TSC22D3: variants seen among roughly 807,000 people sequenced by gnomAD.
The protein encoded by TSC22D3 is TSC22 domain family member 3.
TSC22D3 carries 4 observed loss-of-function variants against 11.1 expected under a neutral mutation model. The observed-to-expected ratio is 0.36, with a 90% confidence interval of 0.18 to 0.83. The LOEUF is 0.83. TSC22D3 is among the 40% of genes least tolerant of loss of function. The probability of loss-of-function intolerance (pLI) is 0.48; values close to 1 mark genes in which losing one functional copy is unlikely to be tolerated. For missense variants in TSC22D3, 118 were observed against 159.4 expected, an observed-to-expected ratio of 0.74 and a Z score of 1.40; for synonymous variants, 77 against 70.3, an observed-to-expected ratio of 1.10 and a Z score of -0.48.
At chrX:107,714,788 C>T in intron 2 of TSC22D3, 39 bp from the exon 3 acceptor site, 1 of 1,158,397 alleles carries the variant, frequency 8.6e-7, no homozygotes, top group Non-Finnish European at 1.2e-6. Context: ...ATTCCTTAGC[C>T]ATCGTGGCCC....
chrX:107,775,087 C>T lies in TSC22D3; in HGVS notation c.320+13G>A, dbSNP rs1370466975. 1 of 1,206,838 alleles carries T rather than the reference C, an allele frequency of 8.3e-7. No homozygotes were observed. Among genetic ancestry groups the T allele is most frequent in the Admixed American group, 2.2e-5 (1 of 45,929 alleles). ...GCAAGGACCGAGTTGCCGCCGTGTGCCGAGCCACCCACCTGTGGAAGAAGA... is the reference window on the plus strand; with the variant it reads ...GCAAGGACCGAGTTGCCGCCGTGTGTCGAGCCACCCACCTGTGGAAGAAGA... On this transcript the variant is annotated intron_variant, in intron 1 of 2. Coordinates refer to ENST00000372383, the MANE Select transcript of TSC22D3 (RefSeq NM_198057.3).
At chrX:107,737,085 G>A (rs762286935) in intron 1 of TSC22D3, among the ~76,000 whole-genome samples, 3 of 111,471 alleles carry the variant, frequency 2.7e-5, no homozygotes, top group African/African-American at 6.5e-5. Context: ...CTCCTGGGCC[G>A]GTCTCTCTCA....
intron 1 of TSC22D3, chrX:107,716,888 G>T: frequency 8.5e-7 from 1 of 1,181,917 alleles, no homozygotes; most frequent in Non-Finnish European, 1.1e-6. Flanking sequence ...CTGCTGGCAG[G>T]CTGCGCTGGG....
Position 107,752,020 on chromosome X carries a change from G to A in TSC22D3, c.320+23080C>T, listed in dbSNP as rs148415982. Among the ~76,000 whole-genome samples the A allele has an allele frequency of 5.9e-4, 66 of 112,582 alleles. 1 individual carries two copies. In the East Asian group the frequency reaches 0.014, roughly 24 times the overall value. ...GATTCATCATATCACATTCGCATTA[G>A]CAGAAAGTAAGGCCTCAAGGCCATG... On this transcript the variant is annotated intron_variant, in intron 1 of 2. Coordinates refer to ENST00000372383, the MANE Select transcript of TSC22D3 (RefSeq NM_198057.3).
At chrX:107,732,751 T>G (rs1488827952) in intron 1 of TSC22D3, among the ~76,000 whole-genome samples, 1 of 111,071 alleles carries the variant, frequency 9.0e-6, no homozygotes, top group Non-Finnish European at 1.9e-5. Flanking sequence ...TTCTGGACTT[T>G]GCTGCCCTGG....
chrX:107,732,877 C>T (rs1375170205), intron 1 of TSC22D3, among the ~76,000 whole-genome samples: 9 of 110,874 alleles, frequency 8.1e-5, no homozygotes, highest in Non-Finnish European at 1.3e-4. Context: ...GGGGGAGGAT[C>T]GCTTGAGGCC....
intron 1 of TSC22D3, among the ~76,000 whole-genome samples, chrX:107,765,975 T>G (rs904213501): frequency 2.7e-5 from 3 of 112,137 alleles, no homozygotes; most frequent in African/African-American, 9.7e-5. Flanking sequence ...CACACCACCT[T>G]TTTGACTTTG....
At chrX:107,741,867 GAGA>G (rs773614818) in intron 1 of TSC22D3, among the ~76,000 whole-genome samples, 1 of 111,057 alleles carries the variant, frequency 9.0e-6, no homozygotes, top group South Asian at 3.9e-4. Flanking sequence ...GAGAGAAAAG[GAGA>G]AGGAGAGACT....
intron 1 of TSC22D3, among the ~76,000 whole-genome samples, chrX:107,732,435 C>T (rs987749759): frequency 9.0e-6 from 1 of 110,938 alleles, no homozygotes; most frequent in Non-Finnish European, 1.9e-5. Flanking sequence ...CCTTCCTCCC[C>T]TTCAAACACA....
At chrX:107,771,855 G>A (rs1929918678) in intron 1 of TSC22D3, among the ~76,000 whole-genome samples, 2 of 112,286 alleles carry the variant, frequency 1.8e-5, no homozygotes, top group African/African-American at 3.2e-5. Context: ...AGCACTATCA[G>A]GACTTCCATC....
intron 1 of TSC22D3, among the ~76,000 whole-genome samples, chrX:107,718,305 T>C (rs1349189459): frequency 2.7e-5 from 3 of 112,290 alleles, no homozygotes; most frequent in African/African-American, 9.7e-5. Context: ...GGACAGGTGA[T>C]GCAACCGGGA....
chrX:107,738,078 T>C (rs867287029), intron 1 of TSC22D3, among the ~76,000 whole-genome samples: 3 of 112,141 alleles, frequency 2.7e-5, no homozygotes, highest in South Asian at 3.7e-4. Context: ...GGGCTTTCCA[T>C]AGCTAAGAAA....
chrX:107,746,144 A>C, intron 1 of TSC22D3, among the ~76,000 whole-genome samples: 1 of 111,178 alleles, frequency 9.0e-6, no homozygotes. Context: ...TGCAATTCTC[A>C]CTGGTGGAGT....
At chrX:107,752,579 G>A (rs1313524672) in intron 1 of TSC22D3, among the ~76,000 whole-genome samples, 1 of 112,299 alleles carries the variant, frequency 8.9e-6, no homozygotes, top group Non-Finnish European at 1.9e-5. Context: ...AGCACAAAGA[G>A]CTATGCCTGG....
intron 1 of TSC22D3, among the ~76,000 whole-genome samples, chrX:107,768,177 A>G (rs2147791669): frequency 8.9e-6 from 1 of 112,245 alleles, no homozygotes; most frequent in African/African-American, 3.2e-5. Flanking sequence ...AGCCACCACC[A>G]GGTGCAGACA....
intron 1 of TSC22D3, among the ~76,000 whole-genome samples, chrX:107,734,878 TAAAAAAAAAAAAA>T (rs781386272): frequency 5.4e-5 from 2 of 37,276 alleles, no homozygotes; most frequent in Non-Finnish European, 4.2e-5. Context: ...CAACTCTACG[TAAAAAAAAAAAAA>T]AAAAAAAAAA....
At chrX:107,761,525 G>A (rs757160642) in intron 1 of TSC22D3, among the ~76,000 whole-genome samples, 3 of 112,453 alleles carry the variant, frequency 2.7e-5, no homozygotes, top group Non-Finnish European at 3.8e-5. Flanking sequence ...CAATTTTCAC[G>A]CATTAGTTCT....
intron 1 of TSC22D3, among the ~76,000 whole-genome samples, chrX:107,742,556 T>C (rs1479715564): frequency 1.8e-5 from 2 of 110,985 alleles, no homozygotes; most frequent in Non-Finnish European, 3.8e-5. Flanking sequence ...GGAGTCCCCA[T>C]GTCACAAGAT....
rs187908850 is a variant in TSC22D3 at position 107,763,716 on chromosome X, A to C, written c.320+11384T>G. Among the ~76,000 whole-genome samples the C allele has an allele frequency of 1.6e-3, 185 of 112,348 alleles. 1 individual carries two copies. The highest frequency in any genetic ancestry group is 5.7e-3 in the African/African-American group (177 of 30,927). On this transcript the variant is annotated intron_variant, in intron 1 of 2. Coordinates refer to ENST00000372383, the MANE Select transcript of TSC22D3 (RefSeq NM_198057.3). ...AACCCCCCATTTCTTTTTCCTTTAC[A>C]GTAAATAATTTACAAAAACAAATTT...
Sources: allele counts gnomAD v4.1 joint callset (sites outside exome capture counted in the v4.1 genomes callset), GRCh38; gene constraint gnomAD v4.1.1; transcripts MANE v1.5; gene names NCBI Gene and HGNC (gene_info 2026-07-23, HGNC 2026-07-21).